The following KIF13A variants were observed in gnomAD, a reference collection of about 807,000 sequenced individuals.
KIF13A encodes the protein kinesin-like protein KIF13A.
In KIF13A, 79 loss-of-function variants were observed where a neutral mutation model predicts 212.2. The ratio of observed to expected loss-of-function variants is 0.37; its 90% CI spans 0.31 to 0.45. The LOEUF is 0.45. Ranked by LOEUF, KIF13A falls within the 20% of genes least tolerant of loss-of-function variation. The pLI is 1.00. For missense variants in KIF13A, 1,901 were observed against 2,209.0 expected (o/e 0.86, Z 2.79); for synonymous variants, 789 against 808.6 (o/e 0.98, Z 0.41).
In KIF13A at chr6:17,898,235, C is replaced by T; in HGVS notation, c.147-55G>A. On this transcript the variant is annotated intron_variant, in intron 2 of 38. Coordinates refer to ENST00000259711, the MANE Select transcript of KIF13A (RefSeq NM_022113.6). The surrounding 1 kb of genome is among the most constrained non-coding windows in gnomAD (Gnocchi z 5.2). ...GCAGGGATACAGAGGGTTGTCAACA[C>T]AGCAGCCACATCAGAGGGAAACAAT... 6.5e-7 allele frequency: 1 copy of T among 1,540,322 alleles called. No homozygotes were observed. Among genetic ancestry groups the T allele is most frequent in the Non-Finnish European group, 8.9e-7 (1 of 1,117,364 alleles).
chr6:17,946,576 C>A (rs1003835050), intron 2 of KIF13A, among the ~76,000 whole-genome samples: 1 of 152,040 alleles, frequency 6.6e-6, no homozygotes, highest in African/African-American at 2.4e-5. Context: ...AAATTAAAAC[C>A]ACAATAAAAT....
At chr6:17,791,602 T>A (rs2150319898) in intron 25 of KIF13A, among the ~76,000 whole-genome samples, 1 of 152,230 alleles carries the variant, frequency 6.6e-6, no homozygotes, top group Admixed American at 6.5e-5. Context: ...AGCTGTTTTT[T>A]AAAAAATGTG....
At position 17,768,181 on chromosome 6, in the gene KIF13A, C is replaced by A. The variant is rs1289107051; in HGVS notation, c.4581+2933G>T. Among the ~76,000 whole-genome samples the A allele has an allele frequency of 6.6e-6, 1 of 152,190 alleles. No homozygotes were observed. The highest frequency in any genetic ancestry group is 1.5e-5 in the Non-Finnish European group (1 of 68,030). On this transcript the variant is annotated intron_variant, in intron 38 of 38. Transcript: ENST00000259711. The surrounding 1 kb of genome is among the most constrained non-coding windows in gnomAD (Gnocchi z 5.4). ...TTTAGATTTTTTATACCAGAAATCT[C>A]ATTTCTCATCATAGCTTAAAGAAGA...
chr6:17,817,275 T>C (rs75172598), intron 16 of KIF13A, 42 bp from the exon 17 acceptor site: 26,010 of 1,569,980 alleles, frequency 0.017, 891 homozygotes, highest in African/African-American at 0.12. Flanking sequence ...TAGTGGCGGC[T>C]AAAACAAGCA....
intron 2 of KIF13A, among the ~76,000 whole-genome samples, chr6:17,911,714 A>G (rs1314834330): frequency 2.0e-5 from 3 of 146,568 alleles, no homozygotes; most frequent in Non-Finnish European, 4.5e-5. Flanking sequence ...AAAAAAAAAG[A>G]ATTAATAAGA....
At chr6:17,958,325 G>A (rs1778526656) in intron 2 of KIF13A, among the ~76,000 whole-genome samples, 3 of 152,182 alleles carry the variant, frequency 2.0e-5, no homozygotes, top group Admixed American at 2.0e-4. Context: ...TTCTCTGGCT[G>A]TCCATTCCTC....
chr6:17,850,408 G>A lies in KIF13A; in HGVS notation c.632C>T (p.Ala211Val). ...GCTGCTTTCTTCGTTCATGTTGGTA[G>A]CAGCTACCGTTCGAGACTTATTTCC... ...SEGNKSRTVA[A>V]TNMNEESSRS... Residue 211 changes from alanine (A) to valine (V), a missense_variant, in exon 8 of 39, where the codon GCT becomes GTT. Around this residue, in one of 5 missense-constraint regions of KIF13A, gnomAD observed 506 missense variants for 637.4 expected, o/e 0.79. Transcript: ENST00000259711. This position sits in a 1 kb window ranked among gnomAD's most constrained non-coding sequence, Gnocchi z 6.2. 6.2e-7 allele frequency: 1 copy of A among 1,613,862 alleles called. No individual in the cohort carries two copies. The highest frequency in any genetic ancestry group is 8.5e-7 in the Non-Finnish European group (1 of 1,179,842).
chr6:17,931,841 A>G lies in KIF13A; in HGVS notation c.147-33661T>C, dbSNP rs1581769393. ...ATAATGGGAAAAAAATGCAGAAAGT[A>G]TAAAAGAAAAATAAAGAGCCCCAGT... On this transcript the variant is annotated intron_variant, in intron 2 of 38. Transcript: ENST00000259711. Among the ~76,000 whole-genome samples, 6 of 152,354 alleles carry G rather than the reference A, an allele frequency of 3.9e-5. No homozygotes were observed. The East Asian group carries it at 1.2e-3, about 29-fold the overall frequency.
Position 17,769,430 on chromosome 6 carries a change from A to G in KIF13A, c.4581+1684T>C, listed in dbSNP as rs1759300528. ...TCCTTCTTACTGTACTCCATGGTGC[A>G]TTCAGTCACAGAGTCTAACTGCTGC... On this transcript the variant is annotated intron_variant, in intron 38 of 38. Transcript: ENST00000259711. This position sits in a 1 kb window ranked among gnomAD's most constrained non-coding sequence, Gnocchi z 5.8. 6.6e-6 allele frequency among the ~76,000 whole-genome samples: 1 copy of G among 152,178 alleles called. No individual in the cohort carries two copies. The highest frequency in any genetic ancestry group is 2.1e-4 in the South Asian group (1 of 4,830).
intron 4 of KIF13A, among the ~76,000 whole-genome samples, chr6:17,859,312 A>G (rs1341359526): frequency 6.6e-6 from 1 of 152,076 alleles, no homozygotes; most frequent in African/African-American, 2.4e-5. Context: ...ATATAAAAAT[A>G]CAAGAGTAGG....
chr6:17,950,942 T>C, intron 2 of KIF13A: 1 of 975,300 alleles, frequency 1.0e-6, no homozygotes, highest in Non-Finnish European at 1.2e-6. Flanking sequence ...CTAAAGGACT[T>C]TTAAAACTTT....
rs1200407281 is a variant in KIF13A at position 17,897,797 on chromosome 6, A to G, written c.159+371T>C. 1.3e-5 allele frequency among the ~76,000 whole-genome samples: 2 copies of G among 152,234 alleles called. No homozygotes were observed. Among genetic ancestry groups the G allele is most frequent in the Non-Finnish European group, 2.9e-5 (2 of 68,040 alleles). ...GATCTTACCATAGTTGTTCCTCCAC[A>G]TTCTAGGCTGTTGATACTGTGCAGT... On this transcript the variant is annotated intron_variant, in intron 3 of 38. Transcript: ENST00000259711. The surrounding 1 kb of genome is among the most constrained non-coding windows in gnomAD (Gnocchi z 4.8).
rs1345160503 is a variant in KIF13A at position 17,785,650 on chromosome 6, A to G, written c.3362-9T>C. On this transcript the variant is annotated splice_polypyrimidine_tract_variant and intron_variant, in intron 27 of 38. Transcript: ENST00000259711. This position sits in a 1 kb window ranked among gnomAD's most constrained non-coding sequence, Gnocchi z 5.8. ...ATCGTCCTCTGTTTTCTCTGCAGAA[A>G]AAAATGAGGAGATCAATGCCAACAA... is the stretch of plus-strand genomic sequence containing the variant. 2 of 1,599,366 alleles carry G rather than the reference A, an allele frequency of 1.3e-6. No homozygotes were observed. Among genetic ancestry groups the G allele is most frequent in the African/African-American group, 1.3e-5 (1 of 74,690 alleles).
In KIF13A at chr6:17,773,787, TTAATA is replaced by T. The variant is rs1279545203; in HGVS notation, c.4219-209_4219-205del. On this transcript the variant is annotated intron_variant, in intron 35 of 38. Transcript: ENST00000259711. This position sits in a 1 kb window ranked among gnomAD's most constrained non-coding sequence, Gnocchi z 4.2. ...AAGGTATACCCGGAGTGAATACATG[TTAATA>T]TTTTATTATATTTGCTCAAGTTTAA... 3.9e-5 allele frequency among the ~76,000 whole-genome samples: 6 copies of T among 152,236 alleles called. No individual in the cohort carries two copies. Among genetic ancestry groups the T allele is most frequent in the African/African-American group, 1.4e-4 (6 of 41,466 alleles).
Position 17,816,011 on chromosome 6 carries a change from G to A in KIF13A, c.2000+1009C>T, listed in dbSNP as rs1004559008. On this transcript the variant is annotated intron_variant, in intron 17 of 38. Coordinates refer to ENST00000259711, the MANE Select transcript of KIF13A (RefSeq NM_022113.6). The surrounding 1 kb of genome is among the most constrained non-coding windows in gnomAD (Gnocchi z 4.3). ...TAACCATTGCCTCCTGGGTTCAAGCGATTCTCCTGCCTCAGCCTCCCAAGT... is the reference window on the plus strand; with the variant it reads ...TAACCATTGCCTCCTGGGTTCAAGCAATTCTCCTGCCTCAGCCTCCCAAGT... Among the ~76,000 whole-genome samples the A allele has an allele frequency of 2.0e-5, 3 of 151,354 alleles. No individual in the cohort carries two copies. The highest frequency in any genetic ancestry group is 3.2e-3 in the Middle Eastern group (1 of 312).
At chr6:17,866,304 G>A (rs1769364677) in intron 4 of KIF13A, among the ~76,000 whole-genome samples, 1 of 152,088 alleles carries the variant, frequency 6.6e-6, no homozygotes, top group South Asian at 2.1e-4. Context: ...ACTTCTGACA[G>A]GAGTGAGGGT....
rs1426078984 is a variant in KIF13A, at chr6:17,776,769, G to A, written c.4170+508C>T. On this transcript the variant is annotated intron_variant, in intron 34 of 38. Coordinates refer to ENST00000259711, the MANE Select transcript of KIF13A (RefSeq NM_022113.6). This position sits in a 1 kb window ranked among gnomAD's most constrained non-coding sequence, Gnocchi z 4.6. ...ATCCCTCTGTGACAGTGTCCCCCCT[G>A]CTAGGATCAGTTTCTGTCAATTGGA... Among the ~76,000 whole-genome samples the A allele has an allele frequency of 1.3e-5, 2 of 152,180 alleles. No individual in the cohort carries two copies. The highest frequency in any genetic ancestry group is 1.3e-4 in the Admixed American group (2 of 15,276).
chr6:17,835,195 CAAAAAAAAAAAAA>C (rs61697144), intron 11 of KIF13A, among the ~76,000 whole-genome samples: 2 of 45,952 alleles, frequency 4.4e-5, no homozygotes, highest in African/African-American at 1.4e-4. Flanking sequence ...CCGCCCCCGC[CAAAAAAAAAAAAA>C]AAAAAAAAAA....
chr6:17,849,318 T>C lies in KIF13A; in HGVS notation c.830+59A>G. ...CATCAGAACCATCTGACCCTCATAA[T>C]GCAACAAATCCCCTCCAGAAGGAAA... On this transcript the variant is annotated intron_variant, in intron 9 of 38. Transcript: ENST00000259711. This position sits in a 1 kb window ranked among gnomAD's most constrained non-coding sequence, Gnocchi z 5.7. The C allele has an allele frequency of 8.2e-7, 1 of 1,223,762 alleles. No individual in the cohort carries two copies. The highest frequency in any genetic ancestry group is 1.2e-6 in the Non-Finnish European group (1 of 846,078). 75.8% of individuals were successfully genotyped at this position (1,223,762 alleles called of 1,614,324 possible).
Sources: gnomAD v4.1 joint callset for allele counts (sites outside exome capture counted in the v4.1 genomes callset) on GRCh38, gnomAD v4.1.1 for gene constraint, gnomAD v4.1.1 regional missense constraint, Gnocchi (gnomAD v3.1) non-coding constraint, MANE v1.5 for transcripts, NCBI Gene and HGNC (gene_info 2026-07-23, HGNC 2026-07-21) for gene names.